Variants in STAB2 observed in about 807,000 individuals in gnomAD.
STAB2 encodes the protein stabilin 2, also known as stabilin-2.
STAB2 carries 288 observed loss-of-function variants against 338.1 expected under a neutral mutation model. That is an observed-to-expected ratio of 0.85 (90% CI 0.77 to 0.94). The LOEUF (loss-of-function observed/expected upper bound fraction) is 0.94. STAB2 is among the 40% of genes least tolerant of loss of function. STAB2 has a pLI of 0.00. For synonymous variants in STAB2, 1,202 were observed against 1,193.3 expected, an observed-to-expected ratio of 1.01 and a Z score of -0.15; for missense variants, 3,141 against 3,210.1, an observed-to-expected ratio of 0.98 and a Z score of 0.52.
intron 40 of STAB2, among the ~76,000 whole-genome samples, chr12:103,711,739 C>A (rs79302268): frequency 6.6e-6 from 1 of 152,156 alleles, no homozygotes; most frequent in Non-Finnish European, 1.5e-5. Context: ...GGCACATTGA[C>A]GAAAATGCCC....
Position 103,660,506 on chromosome 12 carries a change from G to A in STAB2, c.1788+122G>A. On this transcript the variant is annotated intron_variant, in intron 16 of 68. Coordinates refer to ENST00000388887, the MANE Select transcript of STAB2 (RefSeq NM_017564.10). ...ATCTGTAGCTCTGAATAAACCCTCA[G>A]CCATGAACAATGAGTCCATTATCAG... is the stretch of plus-strand genomic sequence containing the variant. 6.7e-6 allele frequency: 9 copies of A among 1,342,104 alleles called. 1 individual carries two copies. In the South Asian group the frequency reaches 9.4e-5, roughly 14 times the overall value. 83.1% of individuals were successfully genotyped at this position (1,342,104 alleles called of 1,614,324 possible).
rs536590694 is a variant in STAB2, at chr12:103,640,108, T to C, written c.907-15T>C. The C allele has an allele frequency of 1.3e-5, 21 of 1,595,270 alleles. No homozygotes were observed. In the South Asian group the frequency reaches 2.2e-4, roughly 16 times the overall value. On this transcript the variant is annotated splice_polypyrimidine_tract_variant and intron_variant, in intron 8 of 68. Transcript: ENST00000388887. ...ACTAGGATCCTATTTGTTTTTCTCT[T>C]CCTGTCTACTGAAGTCTCACTGCGA...
At chr12:103,690,574 A>G (rs779607561) in intron 30 of STAB2, 36 bp downstream of exon 30, 3 of 1,563,304 alleles carry the variant, frequency 1.9e-6, no homozygotes, top group Non-Finnish European at 1.8e-6. Context: ...TACTTGAAAC[A>G]TAACAGCTTT....
At chr12:103,592,821 C>T (rs534307055) in intron 2 of STAB2, among the ~76,000 whole-genome samples, 1 of 152,290 alleles carries the variant, frequency 6.6e-6, no homozygotes, top group African/African-American at 2.4e-5. Flanking sequence ...ACTTTGTACC[C>T]TGCAAACAAT....
intron 40 of STAB2, among the ~76,000 whole-genome samples, chr12:103,711,800 A>G (rs1879885918): frequency 6.6e-6 from 1 of 152,226 alleles, no homozygotes; most frequent in Admixed American, 6.5e-5. Context: ...GAGGAAACCC[A>G]GTGGGCCTCA....
At chr12:103,687,969 C>T (rs970323588) in intron 27 of STAB2, among the ~76,000 whole-genome samples, 199 bp from the exon 28 acceptor site, 1 of 152,198 alleles carries the variant, frequency 6.6e-6, no homozygotes, top group African/African-American at 2.4e-5. Flanking sequence ...AAGAAATGTG[C>T]GGTTCTGTCA....
chr12:103,699,373 C>A, intron 34 of STAB2, 146 bp downstream of exon 34: 1 of 1,112,546 alleles, frequency 9.0e-7, no homozygotes, highest in Non-Finnish European at 1.2e-6. Context: ...ATAGCCAAGA[C>A]TGGAAAGAAA....
At chr12:103,743,091 C>G (rs546635389) in intron 56 of STAB2, among the ~76,000 whole-genome samples, 1 of 148,970 alleles carries the variant, frequency 6.7e-6, no homozygotes, top group East Asian at 2.0e-4. Flanking sequence ...GGCGCAATCT[C>G]AGCTCACTGC....
Position 103,659,043 on chromosome 12 carries a change from G to A in STAB2, c.1735-1288G>A, listed in dbSNP as rs1039219173. The stretch of plus-strand genomic sequence containing the variant: ...ATGTAAGTTGAGATGTAAAGGCTAG[G>A]TGACTTGCTCAAGGTCACATAGTAA... On this transcript the variant is annotated intron_variant, in intron 15 of 68. Transcript: ENST00000388887. Among the ~76,000 whole-genome samples the A allele has an allele frequency of 3.7e-4, 57 of 152,210 alleles. 1 individual carries two copies. Among genetic ancestry groups the A allele is most frequent in the Non-Finnish European group, 1.3e-4 (9 of 68,038 alleles).
At chr12:103,739,824 C>T (rs1882441843) in intron 54 of STAB2, among the ~76,000 whole-genome samples, 1 of 152,106 alleles carries the variant, frequency 6.6e-6, no homozygotes, top group South Asian at 2.1e-4. Flanking sequence ...TTACTCTATC[C>T]CTCTTTATAA....
rs765445648 is a variant in STAB2 at position 103,759,139 on chromosome 12, T to C, written c.7114T>C (p.Ser2372Pro). ...GTTTCTCCTTTTTTCTCAGACCTTGTCTGGGCGGGACATCGAGCACCACCT... is the reference window on the plus strand; with the variant it reads ...GTTTCTCCTTTTTTCTCAGACCTTGCCTGGGCGGGACATCGAGCACCACCT... ...NSGLGENETL[S>P]GRDIEHHLAN... Residue 2372 changes from serine to proline, a missense_variant, in exon 65 of 69, where the codon TCT becomes CCT. Transcript: ENST00000388887. 8 of 1,614,200 alleles carry C rather than the reference T, an allele frequency of 5.0e-6. No individual in the cohort carries two copies. The highest frequency in any genetic ancestry group is 1.6e-4 in the Middle Eastern group (1 of 6,062).
Position 103,726,152 on chromosome 12 carries a change from T to C in STAB2, c.4840T>C (p.Phe1614Leu). ...GAACCCGAAAACTTCCCAGTATTTC[T>C]TCCAGTTGCAGGTAGGAAATATACA... ...PKNPKTSQYF[F>L]QLQEHFVKDL... Residue 1614 changes from phenylalanine (F) to leucine (L), a missense_variant, in exon 46 of 69, where the codon TTC (phenylalanine) becomes CTC (leucine). By Grantham distance (22) the Phe-to-Leu change is conservative (BLOSUM62 0). Transcript: ENST00000388887. The C allele has an allele frequency of 6.2e-7, 1 of 1,613,984 alleles. No individual in the cohort carries two copies. Among genetic ancestry groups the C allele is most frequent in the South Asian group, 1.1e-5 (1 of 91,082 alleles).
intron 32 of STAB2, 21 bp from the exon 33 acceptor site, chr12:103,695,716 T>C (rs772100567): frequency 6.2e-7 from 1 of 1,614,142 alleles, no homozygotes; most frequent in Non-Finnish European, 8.5e-7. Flanking sequence ...CCTCATGCAC[T>C]CTTGTCTCTT....
At chr12:103,734,900 C>A (rs369972588) in intron 51 of STAB2, among the ~76,000 whole-genome samples, 10 of 152,248 alleles carry the variant, frequency 6.6e-5, no homozygotes, top group African/African-American at 2.2e-4. Flanking sequence ...TGTAGTGTAT[C>A]CCTCCAATCT....
chr12:103,638,124 A>T lies in STAB2; in HGVS notation c.818A>T (p.Gln273Leu). ...TCQEGYRGDG[Q>L]VCLPVDPCQI... ...CAAGAAGGCTACCGTGGGGATGGCC[A>T]AGTGTGCTTGCCTGTGGACCCCTGC... Residue 273 changes from glutamine to leucine, a missense_variant, in exon 8 of 69, where the codon CAA becomes CTA. Coordinates refer to ENST00000388887, the MANE Select transcript of STAB2 (RefSeq NM_017564.10). 1 of 1,614,218 alleles carries T rather than the reference A, an allele frequency of 6.2e-7. No homozygotes were observed. Among genetic ancestry groups the T allele is most frequent in the Non-Finnish European group, 8.5e-7 (1 of 1,180,036 alleles).
At chr12:103,684,471 G>A (rs542020061) in intron 26 of STAB2, among the ~76,000 whole-genome samples, 3 of 152,304 alleles carry the variant, frequency 2.0e-5, no homozygotes, top group African/African-American at 7.2e-5. Flanking sequence ...ATTTTGCAAA[G>A]CTGAAGGAGC....
chr12:103,702,439 C>T (rs1456560800), intron 34 of STAB2, among the ~76,000 whole-genome samples: 1 of 152,090 alleles, frequency 6.6e-6, no homozygotes, highest in East Asian at 1.9e-4. Flanking sequence ...GCTGGGACTA[C>T]AGGCGCCCGC....
At chr12:103,763,349 T>C (rs1410349962) in intron 67 of STAB2, 143 bp from the exon 68 acceptor site, 4 of 668,156 alleles carry the variant, frequency 6.0e-6, no homozygotes, top group Admixed American at 2.4e-5. Flanking sequence ...AATTTTATTA[T>C]ATGTGAATCA....
chr12:103,716,619 C>T (rs370051270), intron 43 of STAB2, among the ~76,000 whole-genome samples: 106 of 152,138 alleles, frequency 7.0e-4, no homozygotes, highest in Non-Finnish European at 1.1e-3. Context: ...ACCTAAAGTA[C>T]GCAAAAATAA....
Sources: allele counts gnomAD v4.1 joint callset (sites outside exome capture counted in the v4.1 genomes callset), GRCh38; gene constraint gnomAD v4.1.1; transcripts MANE v1.5; gene names NCBI Gene and HGNC (gene_info 2026-07-23, HGNC 2026-07-21).